Variants in BBS9 observed in about 807,000 individuals in gnomAD.
The protein encoded by BBS9 is Bardet-Biedl syndrome 9, also known as protein PTHB1.
BBS9 carries 89 observed loss-of-function variants against 117.7 expected under a neutral mutation model. The observed-to-expected ratio is 0.76, with a 90% CI of 0.64 to 0.90. The LOEUF is 0.90. BBS9 is among the 40% of genes least tolerant of loss of function. BBS9 has a pLI of 0.00. For missense variants in BBS9, 982 were observed against 1,042.2 expected, an observed-to-expected ratio of 0.94 and a Z score of 0.80; for synonymous variants, 379 against 370.9, an observed-to-expected ratio of 1.02 and a Z score of -0.25.
At chr7:33,134,614 A>G (rs1000919751) in intron 1 of BBS9, among the ~76,000 whole-genome samples, 1 of 151,836 alleles carries the variant, frequency 6.6e-6, no homozygotes, top group African/African-American at 2.4e-5. Flanking sequence ...TTTTTTTGAG[A>G]TAGAGTCTCA....
chr7:33,556,517 A>T (rs2129102955), intron 21 of BBS9, among the ~76,000 whole-genome samples: 1 of 152,272 alleles, frequency 6.6e-6, no homozygotes, highest in Middle Eastern at 3.4e-3. Flanking sequence ...TTAGTATTTT[A>T]TTTTCCCAGC....
chr7:33,560,123 G>C (rs1011621845), intron 21 of BBS9, among the ~76,000 whole-genome samples: 1 of 152,134 alleles, frequency 6.6e-6, no homozygotes, highest in African/African-American at 2.4e-5. Context: ...TGGGATCCTT[G>C]AGGATAGTGC....
chr7:33,155,735 A>G (rs760307883), intron 4 of BBS9, 33 bp downstream of exon 4: 5 of 1,110,362 alleles, frequency 4.5e-6, no homozygotes, highest in Non-Finnish European at 5.3e-6. Flanking sequence ...TAGAATTTAT[A>G]TTACAAATTG....
At chr7:33,341,085 G>A in intron 11 of BBS9, 112 bp downstream of exon 11, 3 of 867,732 alleles carry the variant, frequency 3.5e-6, no homozygotes, top group South Asian at 1.4e-5. Context: ...ACTTCAGGGA[G>A]GATAACAAAT....
intron 18 of BBS9, among the ~76,000 whole-genome samples, chr7:33,386,138 T>C (rs570894647): frequency 2.5e-4 from 38 of 151,844 alleles, no homozygotes; most frequent in African/African-American, 7.7e-4. Flanking sequence ...AATAAAAAAA[T>C]AAAAAAATAA....
chr7:33,213,424 A>C (rs557477889), intron 5 of BBS9, among the ~76,000 whole-genome samples: 1 of 152,364 alleles, frequency 6.6e-6, no homozygotes, highest in South Asian at 2.1e-4. Flanking sequence ...ATAGTGTCCA[A>C]GAGCCTAAGC....
At chr7:33,196,907 T>C (rs752250557) in intron 5 of BBS9, among the ~76,000 whole-genome samples, 1 of 152,178 alleles carries the variant, frequency 6.6e-6, no homozygotes. Context: ...CCTTAGTTCC[T>C]GGGGGAAGGT....
chr7:33,146,736 C>T (rs1008952781), intron 2 of BBS9, among the ~76,000 whole-genome samples: 1 of 148,806 alleles, frequency 6.7e-6, no homozygotes, highest in Non-Finnish European at 1.5e-5. Flanking sequence ...AAATGACTTG[C>T]TTTTGAAAAT....
chr7:33,603,848 T>G (rs1864178499), intron 21 of BBS9, among the ~76,000 whole-genome samples: 2 of 152,206 alleles, frequency 1.3e-5, no homozygotes, highest in Admixed American at 6.5e-5. Flanking sequence ...GTTTCAGAGT[T>G]GATGCAGAGG....
At chr7:33,482,034 C>T (rs560475572) in intron 19 of BBS9, among the ~76,000 whole-genome samples, 2 of 152,132 alleles carry the variant, frequency 1.3e-5, no homozygotes, top group African/African-American at 2.4e-5. Context: ...TAGTAGTTAA[C>T]GGTGTCTCTG....
intron 5 of BBS9, among the ~76,000 whole-genome samples, chr7:33,200,238 CA>C (rs1478261740): frequency 6.6e-6 from 1 of 152,068 alleles, no homozygotes; most frequent in Non-Finnish European, 1.5e-5. Flanking sequence ...CTTGTTCTAC[CA>C]ACTTTCAGCT....
At chr7:33,149,507 T>G (rs956798551) in intron 2 of BBS9, among the ~76,000 whole-genome samples, 4 of 152,238 alleles carry the variant, frequency 2.6e-5, no homozygotes, top group African/African-American at 9.6e-5. Context: ...TAAATGGCAC[T>G]TACTTTCCTA....
At position 33,357,863 on chromosome 7, in the gene BBS9, C is replaced by G. The variant is rs748601675; in HGVS notation, c.1561C>G (p.Arg521Gly). Residue 521 changes from arginine (R) to glycine (G), a missense_variant, in exon 16 of 23, where the codon CGA becomes GGA. By Grantham distance (125) the Arg-to-Gly change is moderately radical. Transcript: ENST00000242067. ...TCTCTCTTTTATTTTAGGCATTCCG[C>G]GAGTTATCCAATGTAAATTTAGACT... ...PTDRNPDGIP[R>G]VIQCKFRLPL... 6.2e-7 allele frequency: 1 copy of G among 1,611,778 alleles called. No homozygotes were observed. Among genetic ancestry groups the G allele is most frequent in the Non-Finnish European group, 8.5e-7 (1 of 1,178,288 alleles).
intron 19 of BBS9, among the ~76,000 whole-genome samples, chr7:33,426,776 T>C (rs1474703625): frequency 2.6e-5 from 4 of 152,168 alleles, no homozygotes; most frequent in African/African-American, 9.7e-5. Context: ...GAACATTCCA[T>C]GAGTGCCTAG....
intron 21 of BBS9, among the ~76,000 whole-genome samples, chr7:33,551,575 C>A (rs1854421586): frequency 6.6e-6 from 1 of 152,014 alleles, no homozygotes; most frequent in Admixed American, 6.6e-5. Flanking sequence ...AGACTGAGAC[C>A]CCAAGGTGAA....
chr7:33,358,649 C>G (rs999502741), intron 16 of BBS9, among the ~76,000 whole-genome samples: 1 of 151,820 alleles, frequency 6.6e-6, no homozygotes, highest in African/African-American at 2.4e-5. Flanking sequence ...ATCAAACATC[C>G]TTAGTAACCA....
At position 33,323,833 on chromosome 7, in the gene BBS9, C is replaced by CTT. The variant is rs1227126451; in HGVS notation, c.1017-12587_1017-12586dup. Among the ~76,000 whole-genome samples, 1,031 of 105,116 alleles carry CTT rather than the reference C, an allele frequency of 9.8e-3. 6 individuals carry two copies. The highest frequency in any genetic ancestry group is 0.012 in the African/African-American group (296 of 24,942). 69.0% of individuals were successfully genotyped at this position (105,116 alleles called of 152,430 possible). A position where few individuals can be genotyped will look rare whatever the true frequency, so the allele number is the denominator to read the frequency against. ...CCTTCTTTTCTTCATTCCTGTCTTC[C>CTT]TTTTTTTTTTTTTTTTTTTTTTGAG... On this transcript the variant is annotated intron_variant, in intron 9 of 22. Coordinates refer to ENST00000242067, the MANE Select transcript of BBS9 (RefSeq NM_198428.3).
At chr7:33,399,246 C>T (rs1828522943) in intron 19 of BBS9, among the ~76,000 whole-genome samples, 1 of 151,222 alleles carries the variant, frequency 6.6e-6, no homozygotes, top group South Asian at 2.1e-4. Context: ...TTCCATTAGT[C>T]TTTTTAAATT....
intron 9 of BBS9, among the ~76,000 whole-genome samples, chr7:33,286,730 C>T (rs928460078): frequency 5.3e-5 from 8 of 152,054 alleles, no homozygotes; most frequent in African/African-American, 1.7e-4. Flanking sequence ...AAGCTCTTTG[C>T]AGAAGTACTT....
Sources: allele counts gnomAD v4.1 joint callset (sites outside exome capture counted in the v4.1 genomes callset), GRCh38; gene constraint gnomAD v4.1.1; transcripts MANE v1.5; gene names NCBI Gene and HGNC (gene_info 2026-07-23, HGNC 2026-07-21).